IGSF21: variants seen among roughly 807,000 people sequenced by gnomAD.
IGSF21 encodes immunoglobulin superfamily member 21.
IGSF21 carries 28 observed loss-of-function variants against 46.8 expected under a neutral mutation model. The ratio of observed to expected loss-of-function variants is 0.60; its 90% CI spans 0.44 to 0.82. The LOEUF is 0.82. IGSF21 is among the 40% of genes least tolerant of loss of function. The pLI, the probability that IGSF21 is intolerant of heterozygous loss-of-function variation, is 0.00. For missense variants in IGSF21, 624 were observed against 665.5 expected, an observed-to-expected ratio of 0.94 and a Z score of 0.69; for synonymous variants, 284 against 273.6, an observed-to-expected ratio of 1.04 and a Z score of -0.38.
intron 3 of IGSF21, among the ~76,000 whole-genome samples, chr1:18,325,931 C>CTA (rs760885290): frequency 0.091 from 13,909 of 152,190 alleles, 1,730 homozygotes; most frequent in African/African-American, 0.28. Flanking sequence ...ACACCTGGGT[C>CTA]ACTAGGCCAA....
chr1:18,235,189 C>T (rs1206622643), intron 2 of IGSF21, among the ~76,000 whole-genome samples: 1 of 152,176 alleles, frequency 6.6e-6, no homozygotes, highest in Non-Finnish European at 1.5e-5. Context: ...ATGACAGTGA[C>T]GCACTCAACC....
intron 4 of IGSF21, among the ~76,000 whole-genome samples, chr1:18,343,928 C>G (rs747564434): frequency 6.6e-6 from 1 of 152,130 alleles, no homozygotes; most frequent in Non-Finnish European, 1.5e-5. Context: ...AGTTTCTCGA[C>G]CTTTCCCCTT....
chr1:18,147,284 C>G (rs2086479205), intron 1 of IGSF21, among the ~76,000 whole-genome samples: 1 of 152,134 alleles, frequency 6.6e-6, no homozygotes, highest in Non-Finnish European at 1.5e-5. Flanking sequence ...TCTGGTGGTG[C>G]CTGCTCTCCC....
Position 18,249,657 on chromosome 1 carries a change from G to A in IGSF21, c.183+21647G>A, listed in dbSNP as rs1414026600. On this transcript the variant is annotated intron_variant, in intron 2 of 9. Transcript: ENST00000251296. The stretch of plus-strand genomic sequence containing the variant: ...CTGTGCCTATAAATCTCTCTGGTTG[G>A]GGCCAGAGGAATGGCCCAGAGCCAT... Among the ~76,000 whole-genome samples the A allele has an allele frequency of 2.6e-5, 4 of 152,164 alleles. No homozygotes were observed. The East Asian group carries it at 7.7e-4, about 29-fold the overall frequency.
chr1:18,210,529 G>A (rs562625670), intron 1 of IGSF21, among the ~76,000 whole-genome samples: 37 of 152,292 alleles, frequency 2.4e-4, no homozygotes, highest in East Asian at 1.9e-3. Context: ...AGCTTTCGAC[G>A]GCCGGTCCTG....
intron 4 of IGSF21, among the ~76,000 whole-genome samples, chr1:18,351,389 C>G (rs981492412): frequency 1.3e-5 from 2 of 152,174 alleles, no homozygotes; most frequent in African/African-American, 4.8e-5. Context: ...GACCTCGAGC[C>G]AGGTTTCCCA....
intron 3 of IGSF21, among the ~76,000 whole-genome samples, chr1:18,319,828 T>C (rs981666952): frequency 3.9e-5 from 6 of 152,198 alleles, no homozygotes; most frequent in Admixed American, 1.3e-4. Flanking sequence ...ATCCCTGTCC[T>C]GTCTTTCTTT....
intron 4 of IGSF21, among the ~76,000 whole-genome samples, chr1:18,359,378 G>A (rs1245632693): frequency 9.9e-6 from 1 of 100,558 alleles, no homozygotes; most frequent in African/African-American, 4.2e-5. Flanking sequence ...AAGAAAGAAA[G>A]AAAGAAAGGA....
Position 18,304,716 on chromosome 1 carries a change from C to T in IGSF21, c.305+12729C>T, listed in dbSNP as rs1430911482. Among the ~76,000 whole-genome samples, 74 of 118,562 alleles carry T rather than the reference C, an allele frequency of 6.2e-4. 1 individual carries two copies. The highest frequency in any genetic ancestry group is 1.5e-3 in the Admixed American group (15 of 10,178). The allele number at this position is 118,562 out of a possible 152,430, so 77.8% of individuals were successfully genotyped here. On this transcript the variant is annotated intron_variant, in intron 3 of 9. Transcript: ENST00000251296. ...TTATCTACACACACACATACACACA[C>T]ACACACACACACATACACACACACA...
At chr1:18,119,167 T>C (rs1157717118) in intron 1 of IGSF21, among the ~76,000 whole-genome samples, 1 of 152,200 alleles carries the variant, frequency 6.6e-6, no homozygotes, top group Non-Finnish European at 1.5e-5. Context: ...CTTCCTTCTC[T>C]GGCTCTTGTT....
At chr1:18,317,752 T>C (rs1437866270) in intron 3 of IGSF21, among the ~76,000 whole-genome samples, 1 of 152,202 alleles carries the variant, frequency 6.6e-6, no homozygotes, top group East Asian at 1.9e-4. Flanking sequence ...CCAATGCCAA[T>C]GCATGGCATG....
At chr1:18,248,661 G>A (rs188809289) in intron 2 of IGSF21, among the ~76,000 whole-genome samples, 2 of 152,282 alleles carry the variant, frequency 1.3e-5, no homozygotes, top group African/African-American at 4.8e-5. Context: ...GTTCTCCGGT[G>A]CAAGGTGCTC....
chr1:18,358,365 A>G (rs1447844674), intron 4 of IGSF21, among the ~76,000 whole-genome samples: 2 of 152,238 alleles, frequency 1.3e-5, no homozygotes, highest in African/African-American at 4.8e-5. Flanking sequence ...ATTAAACCCA[A>G]TATATCCAAA....
At chr1:18,158,664 T>A (rs1018211759) in intron 1 of IGSF21, among the ~76,000 whole-genome samples, 1 of 152,100 alleles carries the variant, frequency 6.6e-6, no homozygotes, top group African/African-American at 2.4e-5. Flanking sequence ...TCTCTCTCAA[T>A]CTCTCTGCCT....
chr1:18,281,234 T>C (rs183404480), intron 2 of IGSF21, among the ~76,000 whole-genome samples: 1 of 93,206 alleles, frequency 1.1e-5, no homozygotes, highest in Admixed American at 1.1e-4. Context: ...GTCACTGGGG[T>C]TACAGGAATG....
chr1:18,271,744 A>G (rs1454620825), intron 2 of IGSF21, among the ~76,000 whole-genome samples: 1 of 152,168 alleles, frequency 6.6e-6, no homozygotes, highest in Non-Finnish European at 1.5e-5. Flanking sequence ...CACCTGTGCC[A>G]CTTCTTAGCT....
chr1:18,150,115 G>A (rs930367092), intron 1 of IGSF21, among the ~76,000 whole-genome samples: 1 of 152,140 alleles, frequency 6.6e-6, no homozygotes. Context: ...GCCGGGTGCA[G>A]TGGCTCATAT....
chr1:18,314,329 A>G (rs2124587515), intron 3 of IGSF21, among the ~76,000 whole-genome samples: 1 of 149,392 alleles, frequency 6.7e-6, no homozygotes, highest in African/African-American at 2.5e-5. Flanking sequence ...CTGTCTCAGG[A>G]CTCTTTCTCC....
chr1:18,292,522 C>G lies in IGSF21; in HGVS notation c.305+535C>G, dbSNP rs572089899. The stretch of plus-strand genomic sequence containing the variant: ...GCTCAAGTCGGAGATGCTTGATTTT[C>G]CTACCCCATCCCTGTTTTCCAGGAG... On this transcript the variant is annotated intron_variant, in intron 3 of 9. Transcript: ENST00000251296. Among the ~76,000 whole-genome samples, 4 of 152,324 alleles carry G rather than the reference C, an allele frequency of 2.6e-5. No homozygotes were observed. The South Asian group carries it at 8.3e-4, about 32-fold the overall frequency.
Sources: allele counts gnomAD v4.1 joint callset (sites outside exome capture counted in the v4.1 genomes callset), GRCh38; gene constraint gnomAD v4.1.1; transcripts MANE v1.5; gene names NCBI Gene and HGNC (gene_info 2026-07-23, HGNC 2026-07-21).